Variants in PTPRCAP observed in about 807,000 individuals in gnomAD.
PTPRCAP encodes the protein protein tyrosine phosphatase receptor type C-associated protein.
For synonymous variants in PTPRCAP, 136 were observed against 135.8 expected (o/e 1.00, Z -0.01); for missense variants, 294 against 285.5 (o/e 1.03, Z -0.22).
chr11:67,435,755 C>A lies in PTPRCAP; in HGVS notation c.599G>T (p.Gly200Val). The A allele has an allele frequency of 6.4e-7, 1 of 1,550,802 alleles. No homozygotes were observed. Among genetic ancestry groups the A allele is most frequent in the Admixed American group, 1.8e-5 (1 of 54,782 alleles). The change falls in exon 2 of 2, where the codon GGC becomes GTC. Residue 200 changes from glycine (G) to valine (V), a missense_variant. Coordinates refer to ENST00000326294, the MANE Select transcript of PTPRCAP (RefSeq NM_005608.3). ...CCTCTACAGTGCGGTGACATGGAGG[C>A]CCTGGCCCCCAGCTGCCCTGGCGCT... The part of the protein sequence containing the change: ...DDSARAAGGQ[G>V]LHVTAL
At chr11:67,436,516 CTG>C (rs2135135417) in intron 1 of PTPRCAP, 166 bp from the exon 2 acceptor site, 1 of 771,360 alleles carries the variant, frequency 1.3e-6, no homozygotes, top group South Asian at 2.4e-5. Flanking sequence ...GGCTCTGGCC[CTG>C]TGAGATCAGC....
Position 67,435,631 on chromosome 11 carries a change from A to C in PTPRCAP, c.*102T>G. 1 of 1,474,224 alleles carries C rather than the reference A, an allele frequency of 6.8e-7. No individual in the cohort carries two copies. Among genetic ancestry groups the C allele is most frequent in the Admixed American group, 2.4e-5 (1 of 42,320 alleles). The allele number at this position is 1,474,224 out of a possible 1,614,324, so 91.3% of individuals were successfully genotyped here. A position where few individuals can be genotyped will look rare whatever the true frequency, so the allele number is the denominator to read the frequency against. ...CTGGTAGGGGGTGACAGTCTGAGGC[A>C]TGGTCATGTGGGCTGGGGGTCCAGT... is the stretch of plus-strand genomic sequence containing the variant. On this transcript the variant is annotated 3_prime_UTR_variant, in exon 2 of 2. Transcript: ENST00000326294.
intron 1 of PTPRCAP, 200 bp from the exon 2 acceptor site, chr11:67,436,550 C>T (rs1864285203): frequency 3.8e-6 from 2 of 532,606 alleles, no homozygotes; most frequent in African/African-American, 2.0e-5. Flanking sequence ...CAGCCTCCTC[C>T]CTACCACTCA....
At chr11:67,437,427 G>A (rs1010102868) in intron 1 of PTPRCAP, 190 bp downstream of exon 1, 1 of 562,264 alleles carries the variant, frequency 1.8e-6, no homozygotes, top group African/African-American at 1.9e-5. Context: ...GGGGTGCTGG[G>A]GGCCAGGCCT....
In PTPRCAP at chr11:67,435,811, G is replaced by A. The variant is rs759590400; in HGVS notation, c.543C>T (p.His181=). The A allele has an allele frequency of 6.9e-5, 110 of 1,602,206 alleles. No homozygotes were observed. Among genetic ancestry groups the A allele is most frequent in the Middle Eastern group, 1.7e-4 (1 of 6,046 alleles). ...GSAEALLSDL[H]AFAGSAAWDD... The stretch of plus-strand genomic sequence containing the variant: ...CCCAGGCTGCGCTGCCAGCAAAGGC[G>A]TGCAGGTCACTCAGCAGGGCCTCAG... Residue 181 remains histidine (H), a synonymous_variant, in exon 2 of 2, where the codon CAC becomes CAT. Transcript: ENST00000326294.
chr11:67,437,646 C>T lies in PTPRCAP; in HGVS notation c.-27G>A. The T allele has an allele frequency of 7.3e-7, 1 of 1,363,758 alleles. No homozygotes were observed. The highest frequency in any genetic ancestry group is 9.5e-7 in the Non-Finnish European group (1 of 1,049,868). 84.5% of individuals were successfully genotyped at this position (1,363,758 alleles called of 1,614,324 possible). A position where few individuals can be genotyped will look rare whatever the true frequency, so the allele number is the denominator to read the frequency against. ...GGTCCGCAGGCCCCTCCGTGCCGGG[C>T]ACCCACCTCCAGCTCTGGCTGTGTC... On this transcript the variant is annotated 5_prime_UTR_variant, in exon 1 of 2. Coordinates refer to ENST00000326294, the MANE Select transcript of PTPRCAP (RefSeq NM_005608.3).
At chr11:67,437,356 G>A (rs374048845) in intron 1 of PTPRCAP, 351 of 388,074 alleles carry the variant, frequency 9.0e-4, no homozygotes, top group Non-Finnish European at 1.3e-3. Context: ...GCAAGTTCCC[G>A]CTCACAGGAA....
intron 1 of PTPRCAP, 174 bp from the exon 2 acceptor site, chr11:67,436,524 T>TCAGCCCCCATCCCTC: frequency 1.5e-6 from 1 of 683,848 alleles, no homozygotes; most frequent in Non-Finnish European, 2.2e-6. Context: ...CCCTGTGAGA[T>TCAGCCCCCATCCCTC]CAGCCCCCAT....
Position 67,435,998 on chromosome 11 carries a change from G to A in PTPRCAP, c.356C>T (p.Ala119Val), listed in dbSNP as rs572090784. The change falls in exon 2 of 2, where the codon GCG (alanine) becomes GTG (valine). Residue 119 changes from alanine to valine, a missense_variant. Coordinates refer to ENST00000326294, the MANE Select transcript of PTPRCAP (RefSeq NM_005608.3). ...AGGGTCAGCCTGCAGGCCACCATCC[G>A]CGACGTGGTCATAGTCTGTGTCCTG... is the stretch of plus-strand genomic sequence containing the variant. ...DEQDTDYDHV[A>V]DGGLQADPGE... 2.4e-5 allele frequency: 39 copies of A among 1,613,744 alleles called. 1 individual carries two copies. The highest frequency in any genetic ancestry group is 1.6e-4 in the South Asian group (15 of 91,088).
chr11:67,437,297 C>T (rs2135137579), intron 1 of PTPRCAP: 2 of 312,736 alleles, frequency 6.4e-6, no homozygotes, highest in South Asian at 3.2e-4. Flanking sequence ...TGCTGAGGTG[C>T]AGCCAGCCTC....
At position 67,437,598 on chromosome 11, in the gene PTPRCAP, G is replaced by T; in HGVS notation, c.3+19C>A. 2 of 1,351,212 alleles carry T rather than the reference G, an allele frequency of 1.5e-6. No homozygotes were observed. Among genetic ancestry groups the T allele is most frequent in the Non-Finnish European group, 1.9e-6 (2 of 1,042,734 alleles). 83.7% of individuals were successfully genotyped at this position (1,351,212 alleles called of 1,614,324 possible). On this transcript the variant is annotated intron_variant, in intron 1 of 1. Coordinates refer to ENST00000326294, the MANE Select transcript of PTPRCAP (RefSeq NM_005608.3). ...CCTGTGGCCCCCATCCCAAGAACCCGGGGGGCTCCGAGGCTTACCATTGGT... is the reference window on the plus strand; with the variant it reads ...CCTGTGGCCCCCATCCCAAGAACCCTGGGGGCTCCGAGGCTTACCATTGGT...
chr11:67,435,882 C>A lies in PTPRCAP; in HGVS notation c.472G>T (p.Asp158Tyr), dbSNP rs774291361. ...GGTCCTGGGGAGCCGAGGACCAGGT[C>A]GCCCTCCGTGTCACTGTCTCTGGCT... ...EEARDSDTEG[D>Y]LVLGSPGPAS... The change falls in exon 2 of 2, where the codon GAC (aspartate) becomes TAC (tyrosine). Residue 158 changes from aspartate (D) to tyrosine (Y), a missense_variant. Physicochemically the swap from Asp to Tyr is radical, Grantham distance 160. Coordinates refer to ENST00000326294, the MANE Select transcript of PTPRCAP (RefSeq NM_005608.3). 7 of 1,611,558 alleles carry A rather than the reference C, an allele frequency of 4.3e-6. No homozygotes were observed. The highest frequency in any genetic ancestry group is 5.9e-6 in the Non-Finnish European group (7 of 1,179,524).
In PTPRCAP at chr11:67,436,076, G is replaced by T. The variant is rs529242025; in HGVS notation, c.278C>A (p.Ala93Asp). 1.2e-6 allele frequency: 2 copies of T among 1,612,376 alleles called. No homozygotes were observed. The highest frequency in any genetic ancestry group is 1.7e-5 in the Admixed American group (1 of 59,924). Reference protein sequence around the residue: ...WASPPGRWLQARAELGSTDND... With the variant: ...WASPPGRWLQDRAELGSTDND... ...GTCTGTGGACCCCAGCTCAGCTCGG[G>T]CCTGCAGCCAGCGACCTGGGGGGCT... is the stretch of plus-strand genomic sequence containing the variant. The change falls in exon 2 of 2, where the codon GCC becomes GAC. Residue 93 changes from alanine (A) to aspartate (D), a missense_variant. Transcript: ENST00000326294.
chr11:67,436,191 G>T lies in PTPRCAP; in HGVS notation c.163C>A (p.Arg55Ser). The change falls in exon 2 of 2, where the codon CGC becomes AGC. Residue 55 changes from arginine (R) to serine (S), a missense_variant. By Grantham distance (110) the Arg-to-Ser change is moderately radical. Coordinates refer to ENST00000326294, the MANE Select transcript of PTPRCAP (RefSeq NM_005608.3). ...CCCCCTGAGTCACGGCTGAGGCGGCGCCAGGCCAGTGCTAGGCCAGTGGCC... is the reference window on the plus strand; with the variant it reads ...CCCCCTGAGTCACGGCTGAGGCGGCTCCAGGCCAGTGCTAGGCCAGTGGCC... Reference protein sequence around the residue: ...LLATGLALAWRRLSRDSGGYY... With the variant: ...LLATGLALAWSRLSRDSGGYY... The T allele has an allele frequency of 6.4e-7, 1 of 1,553,270 alleles. No individual in the cohort carries two copies.
Position 67,436,225 on chromosome 11 carries a change from G to A in PTPRCAP, c.129C>T (p.Leu43=). 6.5e-7 allele frequency: 1 copy of A among 1,547,666 alleles called. No homozygotes were observed. Among genetic ancestry groups the A allele is most frequent in the South Asian group, 1.2e-5 (1 of 84,552 alleles). ...SVTVVLLLLL[L]LLLATGLALA... ...GTGCTAGGCCAGTGGCCAGCAGTAGGAGCAGCAGCAGCAGCAGGACAACGG... is the reference window on the plus strand; with the variant it reads ...GTGCTAGGCCAGTGGCCAGCAGTAGAAGCAGCAGCAGCAGCAGGACAACGG... The change falls in exon 2 of 2, where the codon CTC becomes CTT. Residue 43 remains leucine, a synonymous_variant. Coordinates refer to ENST00000326294, the MANE Select transcript of PTPRCAP (RefSeq NM_005608.3).
intron 1 of PTPRCAP, 54 bp from the exon 2 acceptor site, chr11:67,436,404 T>G (rs1864280890): frequency 4.2e-6 from 6 of 1,423,416 alleles, no homozygotes; most frequent in Admixed American, 6.0e-5. Flanking sequence ...TGGGGCCTGG[T>G]GTGGGGCAGG....
In PTPRCAP at chr11:67,436,225, GAGCAGCAGC is replaced by G. The variant is rs761732400; in HGVS notation, c.120_128del (p.Leu44_Leu46del). The G allele has an allele frequency of 6.5e-7, 1 of 1,545,678 alleles. No individual in the cohort carries two copies. Among genetic ancestry groups the G allele is most frequent in the Non-Finnish European group, 8.7e-7 (1 of 1,148,136 alleles). On this transcript the variant is annotated inframe_deletion, in exon 2 of 2. Coordinates refer to ENST00000326294, the MANE Select transcript of PTPRCAP (RefSeq NM_005608.3). ...GTGCTAGGCCAGTGGCCAGCAGTAGGAGCAGCAGCAGCAGCAGGACAACGGTGACAGAGC... is the reference window on the plus strand; with the variant it reads ...GTGCTAGGCCAGTGGCCAGCAGTAGGAGCAGCAGGACAACGGTGACAGAGC...
rs746898724 is a variant in PTPRCAP, at chr11:67,436,041, C to T, written c.313G>A (p.Glu105Lys). 6.2e-7 allele frequency: 1 copy of T among 1,613,568 alleles called. No homozygotes were observed. Among genetic ancestry groups the T allele is most frequent in the South Asian group, 1.1e-5 (1 of 91,062 alleles). The change falls in exon 2 of 2, where the codon GAG (glutamate) becomes AAG (lysine). Residue 105 changes from glutamate (E) to lysine (K), a missense_variant. By Grantham distance (56) the Glu-to-Lys change is moderately conservative. Transcript: ENST00000326294. ...GTGTCCTGCTCATCCTCCTGTCGCT[C>T]AAGGTCATTGTCTGTGGACCCCAGC... ...AELGSTDNDLERQEDEQDTDY... is the reference protein window; with the variant it reads ...AELGSTDNDLKRQEDEQDTDY...
Position 67,435,818 on chromosome 11 carries a change from T to C in PTPRCAP, c.536A>G (p.Asp179Gly), listed in dbSNP as rs1437458878. Residue 179 changes from aspartate to glycine, a missense_variant, in exon 2 of 2, where the codon GAC (aspartate) becomes GGC (glycine). Physicochemically the swap from Asp to Gly is moderately conservative, Grantham distance 94. Coordinates refer to ENST00000326294, the MANE Select transcript of PTPRCAP (RefSeq NM_005608.3). ...TGCGCTGCCAGCAAAGGCGTGCAGG[T>C]CACTCAGCAGGGCCTCAGCACTGCC... The part of the protein sequence containing the change: ...AGGSAEALLS[D>G]LHAFAGSAAW... 1 of 1,604,102 alleles carries C rather than the reference T, an allele frequency of 6.2e-7. No individual in the cohort carries two copies. The highest frequency in any genetic ancestry group is 1.7e-5 in the Admixed American group (1 of 59,690).
Sources: gnomAD v4.1 joint callset for allele counts on GRCh38, gnomAD v4.1.1 for gene constraint, MANE v1.5 for transcripts, NCBI Gene and HGNC (gene_info 2026-07-23, HGNC 2026-07-21) for gene names.